TASOR: variants seen among roughly 807,000 people sequenced by gnomAD.
The protein encoded by TASOR is transcription activation suppressor.
Under a neutral mutation model 178.6 loss-of-function variants are expected in TASOR, and 53 were observed. The observed-to-expected ratio is 0.30, with a 90% confidence interval of 0.24 to 0.37. TASOR has a LOEUF of 0.37. Among genes scored for constraint, TASOR ranks in the 10% least tolerant of loss-of-function variants. The pLI is 1.00. For synonymous variants in TASOR, 713 were observed against 696.2 expected, an observed-to-expected ratio of 1.02 and a Z score of -0.38; for missense variants, 1,815 against 1,971.4, an observed-to-expected ratio of 0.92 and a Z score of 1.50.
intron 1 of TASOR, 26 bp from the exon 2 acceptor site, chr3:56,673,751 A>G (rs1014431615): frequency 6.0e-5 from 91 of 1,525,944 alleles, no homozygotes; most frequent in Non-Finnish European, 7.6e-5. Context: ...AAACATTTAA[A>G]ATGTTTAACA....
chr3:56,663,757 G>C (rs1193653513), intron 7 of TASOR, 185 bp from the exon 8 acceptor site: 3 of 1,043,902 alleles, frequency 2.9e-6, no homozygotes, highest in Non-Finnish European at 3.5e-6. Context: ...AGAGAAAACA[G>C]AAGTACTTAC....
At chr3:56,648,771 G>A (rs1224377472) in intron 13 of TASOR, 51 bp downstream of exon 13, 1 of 1,330,006 alleles carries the variant, frequency 7.5e-7, no homozygotes, top group East Asian at 2.4e-5. Context: ...AAATTTCAAT[G>A]AAATGTTAAG....
intron 6 of TASOR, among the ~76,000 whole-genome samples, chr3:56,667,232 C>T (rs2030119221): frequency 6.6e-6 from 1 of 152,060 alleles, no homozygotes; most frequent in Admixed American, 6.5e-5. Flanking sequence ...AAGCCCACAA[C>T]AATAGTTCTT....
At chr3:56,679,039 G>T (rs1284245874) in intron 1 of TASOR, among the ~76,000 whole-genome samples, 1 of 151,538 alleles carries the variant, frequency 6.6e-6, no homozygotes, top group African/African-American at 2.4e-5. Context: ...CATACAAATG[G>T]GTCATACGAA....
At chr3:56,673,847 A>T in intron 1 of TASOR, 122 bp from the exon 2 acceptor site, 2 of 794,618 alleles carry the variant, frequency 2.5e-6, no homozygotes, top group South Asian at 4.4e-5. Context: ...AGGCTATCTT[A>T]CTTTGTGATA....
In TASOR at chr3:56,673,665, T is replaced by C. The variant is rs1213038144; in HGVS notation, c.392A>G (p.His131Arg). The C allele has an allele frequency of 3.9e-6, 6 of 1,551,198 alleles. No homozygotes were observed. The highest frequency in any genetic ancestry group is 2.4e-5 in the East Asian group (1 of 40,852). Residue 131 changes from histidine (H) to arginine (R), a missense_variant, in exon 2 of 24, where the codon CAT (histidine) becomes CGT (arginine). Physicochemically the swap from His to Arg is conservative, Grantham distance 29. This residue lies in a region of TASOR where 244 missense variants were observed against 202.7 expected (regional missense o/e 1.20). Coordinates refer to ENST00000683822, the MANE Select transcript of TASOR (RefSeq NM_001365635.2). ...REFEDVVNIL[H>R]SSYLEPTSVT... is the part of the protein sequence containing the mutation. The stretch of plus-strand genomic sequence containing the variant: ...TGAGGTTGGTTCAAGGTAAGAAGAA[T>C]GGAGAATATTTACAACATCTTCAAA...
chr3:56,640,258 T>C, intron 15 of TASOR, 128 bp from the exon 16 acceptor site: 1 of 763,798 alleles, frequency 1.3e-6, no homozygotes, highest in Non-Finnish European at 2.1e-6. Context: ...ATCAACATGG[T>C]AAAGTTATAC....
intron 11 of TASOR, among the ~76,000 whole-genome samples, chr3:56,651,415 C>A (rs1473342735): frequency 6.6e-6 from 1 of 152,054 alleles, no homozygotes; most frequent in Non-Finnish European, 1.5e-5. Context: ...GTACAATGGG[C>A]CAGGCGCAGT....
intron 1 of TASOR, among the ~76,000 whole-genome samples, chr3:56,676,936 T>A (rs879645932): frequency 3.9e-5 from 6 of 152,238 alleles, no homozygotes; most frequent in Non-Finnish European, 8.8e-5. Flanking sequence ...AATATCTGTA[T>A]CCTAATTATT....
intron 11 of TASOR, among the ~76,000 whole-genome samples, chr3:56,651,367 C>T (rs908590131): frequency 3.9e-5 from 6 of 151,928 alleles, no homozygotes; most frequent in Middle Eastern, 6.3e-3. Context: ...TTATAGCACT[C>T]CCCCACCCCC....
At position 56,665,074 on chromosome 3, in the gene TASOR, G is replaced by A. The variant is rs375847487; in HGVS notation, c.1022+1186C>T. 2.3e-4 allele frequency among the ~76,000 whole-genome samples: 35 copies of A among 152,194 alleles called. No individual in the cohort carries two copies. The East Asian group carries it at 5.6e-3, about 24-fold the overall frequency. On this transcript the variant is annotated intron_variant, in intron 7 of 23. Coordinates refer to ENST00000683822, the MANE Select transcript of TASOR (RefSeq NM_001365635.2). ...GTAGTCCCAGCTACTTGGGAGGATC[G>A]CTTGCACACAGGGGTTTGAGGCTGC...
chr3:56,628,929 ATTTTTT>A (rs58944810), intron 18 of TASOR: 62 of 122,264 alleles, frequency 5.1e-4, no homozygotes, highest in East Asian at 2.9e-3. Context: ...TACCAGGCTA[ATTTTTT>A]TTTTTTTTTT....
intron 1 of TASOR, among the ~76,000 whole-genome samples, chr3:56,680,569 T>C (rs939832873): frequency 3.4e-5 from 3 of 87,904 alleles, no homozygotes; most frequent in African/African-American, 8.7e-5. Flanking sequence ...TGCACTGTTT[T>C]TGAATTTTTT....
intron 8 of TASOR, among the ~76,000 whole-genome samples, chr3:56,663,213 T>C (rs1486094131): frequency 6.6e-6 from 1 of 152,098 alleles, no homozygotes; most frequent in African/African-American, 2.4e-5. Context: ...AACTTTAAAA[T>C]AGTTTAATGT....
At chr3:56,668,905 G>A (rs1472885198) in intron 5 of TASOR, among the ~76,000 whole-genome samples, 3 of 152,132 alleles carry the variant, frequency 2.0e-5, no homozygotes, top group Admixed American at 6.5e-5. Flanking sequence ...CCTGGGAGGC[G>A]GAGGTTGCAG....
chr3:56,654,403 T>TGGGGGGG (rs1559838476), intron 11 of TASOR, among the ~76,000 whole-genome samples: 34 of 127,302 alleles, frequency 2.7e-4, no homozygotes, highest in African/African-American at 5.2e-4. Context: ...TGGGCGGGGT[T>TGGGGGGG]GGGGGGTGGT....
At chr3:56,623,656 G>T in intron 23 of TASOR, 90 bp from the exon 24 acceptor site, 1 of 1,543,296 alleles carries the variant, frequency 6.5e-7, no homozygotes, top group South Asian at 1.3e-5. Flanking sequence ...AATATAACGC[G>T]TCAGGGTCTG....
At chr3:56,670,293 T>C in intron 3 of TASOR, 148 bp from the exon 4 acceptor site, 1 of 492,976 alleles carries the variant, frequency 2.0e-6, no homozygotes, top group Non-Finnish European at 3.6e-6. Context: ...TTTGCCACTT[T>C]ATAAATATTA....
chr3:56,625,867 C>T (rs545189696), intron 21 of TASOR, among the ~76,000 whole-genome samples: 97 of 152,180 alleles, frequency 6.4e-4, no homozygotes, highest in Admixed American at 1.7e-3. Flanking sequence ...TGTGATCCAC[C>T]CGCCTCAGCC....
Sources: allele counts gnomAD v4.1 joint callset (sites outside exome capture counted in the v4.1 genomes callset), GRCh38; gene constraint gnomAD v4.1.1; regional missense constraint gnomAD v4.1.1; transcripts MANE v1.5; gene names NCBI Gene and HGNC (gene_info 2026-07-23, HGNC 2026-07-21).